The following ZDHHC15 variants were observed in gnomAD, a reference collection of about 807,000 sequenced individuals.
The protein encoded by ZDHHC15 is palmitoyltransferase ZDHHC15.
Under a neutral mutation model 31.7 loss-of-function variants are expected in ZDHHC15, and 19 were observed. That is an observed-to-expected ratio of 0.60 (90% CI 0.42 to 0.88). The LOEUF (loss-of-function observed/expected upper bound fraction) is 0.88, where lower values mean the gene tolerates loss of function less well. Among genes scored for constraint, ZDHHC15 ranks in the 40% least tolerant of loss-of-function variants. The pLI, the probability that ZDHHC15 is intolerant of heterozygous loss-of-function variation, is 0.00. For synonymous variants in ZDHHC15, 103 were observed against 90.0 expected, an observed-to-expected ratio of 1.14 and a Z score of -0.82; for missense variants, 209 against 251.2, an observed-to-expected ratio of 0.83 and a Z score of 1.14.
rs1427725124 is a variant in ZDHHC15 at position 75,511,761 on chromosome X, G to C, written c.137-5914C>G. On this transcript the variant is annotated intron_variant, in intron 1 of 11. Transcript: ENST00000373367. Reference sequence around the variant, plus strand: ...GAAACTATTCCAATCAATAGAAAAAGAGGGAATCCTCCCTAACTCATTTTA... The same window carrying C: ...GAAACTATTCCAATCAATAGAAAAACAGGGAATCCTCCCTAACTCATTTTA... 7.6e-3 allele frequency among the ~76,000 whole-genome samples: 615 copies of C among 81,082 alleles called. 10 individuals are homozygous for C. The highest frequency in any genetic ancestry group is 0.027 in the African/African-American group (569 of 21,369). The allele number at this position is 81,082 out of a possible 115,157, so 70.4% of individuals were successfully genotyped here.
intron 3 of ZDHHC15, among the ~76,000 whole-genome samples, chrX:75,476,382 C>G (rs775234457): frequency 9.0e-6 from 1 of 110,535 alleles, no homozygotes; most frequent in Non-Finnish European, 1.9e-5. Context: ...AATTCTATAT[C>G]TTTACTTGTT....
intron 10 of ZDHHC15, among the ~76,000 whole-genome samples, chrX:75,390,443 AGTG>A (rs772720424): frequency 1.1e-4 from 12 of 111,654 alleles, no homozygotes; most frequent in South Asian, 3.8e-4. Flanking sequence ...GCACAGCCCT[AGTG>A]GTGGTGGCCA....
chrX:75,484,979 T>C (rs2084753912), intron 2 of ZDHHC15, among the ~76,000 whole-genome samples: 1 of 111,865 alleles, frequency 8.9e-6, no homozygotes, highest in Non-Finnish European at 1.9e-5. Context: ...CTCCATACTG[T>C]ATGATTCAAT....
rs1227978395 is a variant in ZDHHC15 at position 75,410,462 on chromosome X, A to G, written c.967+6625T>C. On this transcript the variant is annotated intron_variant, in intron 10 of 11. Coordinates refer to ENST00000373367, the MANE Select transcript of ZDHHC15 (RefSeq NM_144969.3). ...CAAAATATCTGAATAGATGTTTCTC[A>G]CAAGAAGACATACAAATGGCCAACA... 2.4e-4 allele frequency among the ~76,000 whole-genome samples: 27 copies of G among 112,545 alleles called. No individual in the cohort carries two copies. In the Admixed American group the frequency reaches 2.5e-3, roughly 11 times the overall value.
chrX:75,469,390 C>G (rs1470963036), intron 3 of ZDHHC15, among the ~76,000 whole-genome samples: 1 of 111,789 alleles, frequency 8.9e-6, no homozygotes, highest in East Asian at 2.8e-4. Flanking sequence ...TTAAATAACT[C>G]CACATTTCCC....
chrX:75,509,040 G>C (rs966016422), intron 1 of ZDHHC15, among the ~76,000 whole-genome samples: 1 of 110,946 alleles, frequency 9.0e-6, no homozygotes, highest in African/African-American at 3.3e-5. Context: ...GTAGATTCTG[G>C]ATATTGGACC....
At chrX:75,409,822 AAC>A (rs1248624482) in intron 10 of ZDHHC15, among the ~76,000 whole-genome samples, 14 of 62,867 alleles carry the variant, frequency 2.2e-4, no homozygotes, top group Admixed American at 1.7e-3. Context: ...AAAAAAAAAC[AAC>A]AACAACAACA....
chrX:75,378,164 A>G (rs1420071408), intron 11 of ZDHHC15, among the ~76,000 whole-genome samples: 1 of 111,399 alleles, frequency 9.0e-6, no homozygotes, highest in Non-Finnish European at 1.9e-5. Context: ...GCATGCTTTG[A>G]GGTCAGATAG....
intron 10 of ZDHHC15, chrX:75,384,896 A>G (rs1454360535): frequency 4.1e-6 from 2 of 488,465 alleles, no homozygotes; most frequent in Non-Finnish European, 7.2e-6. Flanking sequence ...ATTGACTAAG[A>G]TTAAAGACTC....
intron 2 of ZDHHC15, among the ~76,000 whole-genome samples, chrX:75,497,950 T>TTTG (rs57142267): frequency 4.7e-5 from 5 of 106,786 alleles, no homozygotes; most frequent in African/African-American, 1.4e-4. Context: ...TTTTTTTTTT[T>TTTG]GAGACAGTGT....
At position 75,450,792 on chromosome X, in the gene ZDHHC15, A is replaced by G; in HGVS notation, c.379+10T>C. 1 of 1,210,566 alleles carries G rather than the reference A, an allele frequency of 8.3e-7. No individual in the cohort carries two copies. The highest frequency in any genetic ancestry group is 1.1e-6 in the Non-Finnish European group (1 of 894,785). ...GAGCTGCCTCTCTAGCTGCCTTTGG[A>G]TGAACTGACCTCCACTTCCAGTTCT... On this transcript the variant is annotated intron_variant, in intron 4 of 11. Transcript: ENST00000373367.
intron 3 of ZDHHC15, among the ~76,000 whole-genome samples, chrX:75,473,636 T>C (rs974961953): frequency 6.3e-5 from 7 of 111,285 alleles, no homozygotes; most frequent in South Asian, 7.6e-4. Flanking sequence ...AATCAATTTA[T>C]TACTCCACAA....
intron 3 of ZDHHC15, among the ~76,000 whole-genome samples, chrX:75,476,900 T>A (rs2084614268): frequency 9.0e-6 from 1 of 111,011 alleles, no homozygotes; most frequent in African/African-American, 3.3e-5. Context: ...GTTCTAATCT[T>A]TATTATTTCC....
At chrX:75,504,201 G>T (rs1215654316) in intron 2 of ZDHHC15, among the ~76,000 whole-genome samples, 1 of 111,310 alleles carries the variant, frequency 9.0e-6, no homozygotes, top group African/African-American at 3.3e-5. Flanking sequence ...AAGTAGATAA[G>T]AAATGGGAAA....
chrX:75,416,673 C>A (rs749370635), intron 10 of ZDHHC15, among the ~76,000 whole-genome samples: 21 of 111,410 alleles, frequency 1.9e-4, no homozygotes, highest in African/African-American at 5.2e-4. Context: ...GTATTGAAAC[C>A]ATTCTAAAAA....
At chrX:75,424,151 T>C (rs2083683238) in intron 8 of ZDHHC15, among the ~76,000 whole-genome samples, 1 of 111,518 alleles carries the variant, frequency 9.0e-6, no homozygotes, top group African/African-American at 3.3e-5. Flanking sequence ...CCCTTGATGA[T>C]TGCAGATATT....
intron 10 of ZDHHC15, among the ~76,000 whole-genome samples, chrX:75,401,057 T>C (rs1056501207): frequency 1.8e-5 from 2 of 110,732 alleles, no homozygotes; most frequent in Non-Finnish European, 3.8e-5. Flanking sequence ...AAATGTTCAA[T>C]GAAGAGGATG....
chrX:75,383,057 T>C (rs2083133710), intron 10 of ZDHHC15, among the ~76,000 whole-genome samples: 2 of 111,715 alleles, frequency 1.8e-5, no homozygotes, highest in South Asian at 7.5e-4. Context: ...AAAAGATCTA[T>C]AAACTGAAAG....
chrX:75,464,226 A>ATT lies in ZDHHC15; in HGVS notation c.259-13306_259-13305dup, dbSNP rs2084367491. Among the ~76,000 whole-genome samples, 4 of 110,925 alleles carry ATT rather than the reference A, an allele frequency of 3.6e-5. No individual in the cohort carries two copies. The South Asian group carries it at 1.2e-3, about 32-fold the overall frequency. On this transcript the variant is annotated intron_variant, in intron 3 of 11. Transcript: ENST00000373367. ...CGCATATTCTCACTCATAGGTGGGAATTGAACAATGAGTATACTTGGACAG... is the reference window on the plus strand; with the variant it reads ...CGCATATTCTCACTCATAGGTGGGAATTTTGAACAATGAGTATACTTGGACAG...
Sources: allele counts gnomAD v4.1 joint callset (sites outside exome capture counted in the v4.1 genomes callset), GRCh38; gene constraint gnomAD v4.1.1; transcripts MANE v1.5; gene names NCBI Gene and HGNC (gene_info 2026-07-23, HGNC 2026-07-21).